The following KANSL1L variants were observed in gnomAD, a reference collection of about 807,000 sequenced individuals.
The protein encoded by KANSL1L is KAT8 regulatory NSL complex subunit 1-like protein.
Under a neutral mutation model 108.6 loss-of-function variants are expected in KANSL1L, and 25 were observed. That is an observed-to-expected ratio of 0.23 (90% CI 0.17 to 0.32). The LOEUF (loss-of-function observed/expected upper bound fraction) is 0.32, where lower values mean the gene tolerates loss of function less well. Among genes scored for constraint, KANSL1L ranks in the 10% least tolerant of loss-of-function variants. The probability of loss-of-function intolerance (pLI) is 1.00; values close to 1 mark genes in which losing one functional copy is unlikely to be tolerated. For synonymous variants in KANSL1L, 405 were observed against 395.1 expected (o/e 1.03, Z -0.30); for missense variants, 1,137 against 1,125.7 (o/e 1.01, Z -0.14).
intron 6 of KANSL1L, among the ~76,000 whole-genome samples, chr2:210,048,793 G>A (rs1029248668): frequency 6.6e-6 from 1 of 151,906 alleles, no homozygotes; most frequent in Admixed American, 6.6e-5. Flanking sequence ...ACATTTGGAA[G>A]CTTCTGTTGA....
At chr2:210,145,646 T>C (rs2095260110) in intron 2 of KANSL1L, among the ~76,000 whole-genome samples, 1 of 152,168 alleles carries the variant, frequency 6.6e-6, no homozygotes, top group South Asian at 2.1e-4. Flanking sequence ...ACACAGGGAA[T>C]TACAAAGGTT....
chr2:210,121,846 G>A (rs1246989958), intron 3 of KANSL1L, among the ~76,000 whole-genome samples: 1 of 152,044 alleles, frequency 6.6e-6, no homozygotes, highest in East Asian at 1.9e-4. Context: ...GTAAGTTGCA[G>A]GATACAAAAT....
intron 6 of KANSL1L, among the ~76,000 whole-genome samples, chr2:210,049,759 T>C (rs1408252730): frequency 6.6e-6 from 1 of 152,202 alleles, no homozygotes; most frequent in African/African-American, 2.4e-5. Context: ...AGAAAAGATA[T>C]TAAGTAATAG....
chr2:210,051,993 C>A (rs1180108550), intron 6 of KANSL1L, among the ~76,000 whole-genome samples: 1 of 145,522 alleles, frequency 6.9e-6, no homozygotes, highest in Non-Finnish European at 1.5e-5. Flanking sequence ...TTCTTTCTTT[C>A]TTCTTTCCTT....
chr2:210,050,884 T>C (rs1031349055), intron 6 of KANSL1L, among the ~76,000 whole-genome samples: 4 of 151,876 alleles, frequency 2.6e-5, no homozygotes, highest in African/African-American at 4.8e-5. Flanking sequence ...GCTGGGACTA[T>C]AGGTGCACAC....
At chr2:210,073,330 T>C (rs1411839756) in intron 6 of KANSL1L, among the ~76,000 whole-genome samples, 2 of 152,188 alleles carry the variant, frequency 1.3e-5, no homozygotes, top group East Asian at 1.9e-4. Flanking sequence ...AGTCTGAGTC[T>C]ACATCTGTGC....
chr2:210,092,932 T>G (rs1280927036), intron 5 of KANSL1L, among the ~76,000 whole-genome samples: 1 of 152,128 alleles, frequency 6.6e-6, no homozygotes, highest in African/African-American at 2.4e-5. Context: ...TTTTTTGTTT[T>G]TTTTTTTTAA....
chr2:210,046,746 G>A (rs1429041411), intron 6 of KANSL1L, among the ~76,000 whole-genome samples: 1 of 152,108 alleles, frequency 6.6e-6, no homozygotes, highest in Non-Finnish European at 1.5e-5. Flanking sequence ...AAGGGCCTGT[G>A]GCTCTCCTAG....
chr2:210,120,779 G>C (rs1318698354), intron 3 of KANSL1L, among the ~76,000 whole-genome samples: 1 of 151,946 alleles, frequency 6.6e-6, no homozygotes, highest in African/African-American at 2.4e-5. Context: ...GCATCTAAAA[G>C]GAACTTAAAC....
At chr2:210,033,069 G>A (rs960064441) in intron 8 of KANSL1L, 3 of 151,428 alleles carry the variant, frequency 2.0e-5, no homozygotes, top group Non-Finnish European at 3.0e-5. Flanking sequence ...TGATGGAACA[G>A]AGTGATAGAA....
At chr2:210,113,819 C>T (rs1414901687) in intron 3 of KANSL1L, among the ~76,000 whole-genome samples, 1 of 152,010 alleles carries the variant, frequency 6.6e-6, no homozygotes, top group African/African-American at 2.4e-5. Flanking sequence ...TATTCAAAGG[C>T]AAATGTGAAC....
intron 3 of KANSL1L, among the ~76,000 whole-genome samples, chr2:210,108,462 T>C (rs114029498): frequency 0.015 from 2,262 of 152,272 alleles, 67 homozygotes; most frequent in African/African-American, 0.052. Flanking sequence ...TTAGAAAATA[T>C]AGAATATTAA....
chr2:210,168,998 A>C (rs891247114), intron 1 of KANSL1L, among the ~76,000 whole-genome samples: 6 of 152,156 alleles, frequency 3.9e-5, no homozygotes, highest in Non-Finnish European at 5.9e-5. Flanking sequence ...AGAGTGAAAA[A>C]ATTTAAAATG....
At chr2:210,083,410 G>C (rs2094606555) in intron 5 of KANSL1L, among the ~76,000 whole-genome samples, 1 of 152,122 alleles carries the variant, frequency 6.6e-6, no homozygotes, top group Non-Finnish European at 1.5e-5. Flanking sequence ...TTTCCAGTTG[G>C]AAGTCCTTTG....
chr2:210,080,770 C>T (rs2094583286), intron 5 of KANSL1L, among the ~76,000 whole-genome samples: 1 of 152,052 alleles, frequency 6.6e-6, no homozygotes, highest in African/African-American at 2.4e-5. Flanking sequence ...TTTGTATCAG[C>T]CCCTTTTGTG....
chr2:210,045,501 T>C (rs1227687956), intron 6 of KANSL1L, among the ~76,000 whole-genome samples: 1 of 152,224 alleles, frequency 6.6e-6, no homozygotes, highest in Non-Finnish European at 1.5e-5. Flanking sequence ...ATTGGTGTTA[T>C]TGTTTGTATC....
chr2:210,120,209 G>A (rs1575570151), intron 3 of KANSL1L, among the ~76,000 whole-genome samples: 2 of 152,258 alleles, frequency 1.3e-5, no homozygotes, highest in Admixed American at 1.3e-4. Context: ...GGGCAACACA[G>A]TGAAACCCCA....
intron 6 of KANSL1L, among the ~76,000 whole-genome samples, chr2:210,070,436 T>G (rs991802797): frequency 2.6e-5 from 4 of 151,558 alleles, no homozygotes; most frequent in African/African-American, 9.7e-5. Context: ...TTCACCATGT[T>G]AGCCAGGATG....
chr2:210,105,374 A>AG (rs1553662387), intron 3 of KANSL1L, among the ~76,000 whole-genome samples: 1 of 145,460 alleles, frequency 6.9e-6, no homozygotes, highest in East Asian at 2.0e-4. Flanking sequence ...TTTGAAAAAA[A>AG]ATATATATAT....
Sources: gnomAD v4.1 joint callset for allele counts (sites outside exome capture counted in the v4.1 genomes callset) on GRCh38, gnomAD v4.1.1 for gene constraint, MANE v1.5 for transcripts, NCBI Gene and HGNC (gene_info 2026-07-23, HGNC 2026-07-21) for gene names.